Variants in SGCG observed in about 807,000 individuals in gnomAD.
The protein encoded by SGCG is gamma-sarcoglycan.
SGCG carries 26 observed loss-of-function variants against 29.3 expected under a neutral mutation model. The ratio of observed to expected loss-of-function variants is 0.89; its 90% CI spans 0.65 to 1.23. The LOEUF (loss-of-function observed/expected upper bound fraction) is 1.23. Among genes scored for constraint, SGCG ranks in the 50% most tolerant of loss-of-function variants. SGCG has a pLI of 0.00. For missense variants in SGCG, 353 were observed against 356.0 expected (o/e 0.99, Z 0.07); for synonymous variants, 145 against 129.7 (o/e 1.12, Z -0.80).
chr13:23,279,777 G>T (rs1566028903), intron 5 of SGCG, among the ~76,000 whole-genome samples: 1 of 139,110 alleles, frequency 7.2e-6, no homozygotes, highest in Non-Finnish European at 1.6e-5. Flanking sequence ...GCCCAGGCTG[G>T]AGTGCAGTAG....
intron 4 of SGCG, among the ~76,000 whole-genome samples, chr13:23,258,075 T>A (rs2137580983): frequency 1.3e-5 from 2 of 152,326 alleles, no homozygotes; most frequent in Middle Eastern, 6.8e-3. Context: ...TTTTTCCAAT[T>A]CTGTGAAGAA....
intron 3 of SGCG, chr13:23,245,278 A>G (rs774846267): frequency 6.6e-6 from 1 of 152,210 alleles, no homozygotes; most frequent in African/African-American, 2.4e-5. Flanking sequence ...CGTAGCTCCT[A>G]TAATTTCATG....
chr13:23,201,932 T>C (rs1877784718), intron 1 of SGCG, among the ~76,000 whole-genome samples: 1 of 152,132 alleles, frequency 6.6e-6, no homozygotes, highest in Non-Finnish European at 1.5e-5. Flanking sequence ...CACTTTGGAA[T>C]CAATATAATA....
At chr13:23,251,656 G>T (rs1317378481) in intron 4 of SGCG, among the ~76,000 whole-genome samples, 2 of 152,048 alleles carry the variant, frequency 1.3e-5, no homozygotes, top group Non-Finnish European at 2.9e-5. Context: ...GTCTGTAGTC[G>T]CAGCTACTGG....
In SGCG at chr13:23,194,621, T is replaced by C. The variant is rs115039317; in HGVS notation, c.1-9074T>C. Among the ~76,000 whole-genome samples, 951 of 152,330 alleles carry C rather than the reference T, an allele frequency of 6.2e-3. 10 individuals carry two copies. The highest frequency in any genetic ancestry group is 0.022 in the African/African-American group (907 of 41,572). ...AGAGGCCAGCTTCTCTCTTGGAGCA[T>C]TCATATTAATTCTGGGACAACTGAC... is the stretch of plus-strand genomic sequence containing the variant. On this transcript the variant is annotated intron_variant, in intron 1 of 7. Transcript: ENST00000218867.
At chr13:23,250,482 A>C in intron 3 of SGCG, 148 bp from the exon 4 acceptor site, 1 of 610,294 alleles carries the variant, frequency 1.6e-6, no homozygotes, top group Non-Finnish European at 2.9e-6. Context: ...AGGAATTTTT[A>C]ATTGTCTTAG....
At chr13:23,201,457 C>T (rs950860566) in intron 1 of SGCG, among the ~76,000 whole-genome samples, 1 of 151,834 alleles carries the variant, frequency 6.6e-6, no homozygotes, top group African/African-American at 2.4e-5. Context: ...AGTGTTATCA[C>T]GGGGGTCCCT....
At chr13:23,242,532 A>G (rs547259072) in intron 3 of SGCG, among the ~76,000 whole-genome samples, 1 of 152,296 alleles carries the variant, frequency 6.6e-6, no homozygotes, top group East Asian at 1.9e-4. Flanking sequence ...CTACTCCCTA[A>G]GGTGTAGTGT....
At chr13:23,193,318 G>A (rs1212921329) in intron 1 of SGCG, among the ~76,000 whole-genome samples, 24 of 152,198 alleles carry the variant, frequency 1.6e-4, no homozygotes, top group Non-Finnish European at 4.4e-5. Flanking sequence ...AGCCACGAGT[G>A]ACTTTAAACA....
At chr13:23,247,115 C>A in intron 3 of SGCG, 1 of 162,852 alleles carries the variant, frequency 6.1e-6, no homozygotes, top group South Asian at 1.7e-4. Context: ...TTGCCAGAAT[C>A]AAAGATCTGT....
intron 5 of SGCG, among the ~76,000 whole-genome samples, chr13:23,289,228 G>A (rs1881608364): frequency 6.6e-6 from 1 of 152,230 alleles, no homozygotes; most frequent in Non-Finnish European, 1.5e-5. Flanking sequence ...CCGTGCTGCA[G>A]TCCATGGTAT....
chr13:23,245,475 C>G (rs2137560196), intron 3 of SGCG: 1 of 152,242 alleles, frequency 6.6e-6, no homozygotes, highest in East Asian at 1.9e-4. Flanking sequence ...ACAATCAAGC[C>G]TAGGAGAGTG....
At chr13:23,168,610 A>G in the SGCG span, among the ~76,000 whole-genome samples, 1 of 152,356 alleles carries the variant, frequency 6.6e-6, no homozygotes, top group South Asian at 2.1e-4. Context: ...TAACCTCTGT[A>G]TACAATAATG....
At chr13:23,304,448 C>A (rs558185026) in intron 6 of SGCG, among the ~76,000 whole-genome samples, 4 of 152,000 alleles carry the variant, frequency 2.6e-5, no homozygotes, top group Non-Finnish European at 4.4e-5. Flanking sequence ...TTATTTATTA[C>A]AAACTCTACT....
chr13:23,295,142 C>A (rs1170211600), intron 5 of SGCG, among the ~76,000 whole-genome samples: 1 of 151,980 alleles, frequency 6.6e-6, no homozygotes, highest in Non-Finnish European at 1.5e-5. Flanking sequence ...GATTTGAAGA[C>A]TAATATTGCT....
At chr13:23,197,991 C>G (rs1438443520) in intron 1 of SGCG, among the ~76,000 whole-genome samples, 1 of 152,156 alleles carries the variant, frequency 6.6e-6, no homozygotes, top group East Asian at 1.9e-4. Flanking sequence ...TTTGTAGATA[C>G]GTGTTGAATG....
Position 23,317,258 on chromosome 13 carries a change from A to G in SGCG, c.579-3379A>G, listed in dbSNP as rs868063499. Among the ~76,000 whole-genome samples the G allele has an allele frequency of 3.4e-4, 52 of 152,332 alleles. 2 individuals are homozygous for G. In the Middle Eastern group the frequency reaches 0.014, roughly 40 times the overall value. ...GTAAGGAAGAATATGCATGGAATAC[A>G]GGAGATCCATTAGGGCATCTCTTAG... On this transcript the variant is annotated intron_variant, in intron 6 of 7. Transcript: ENST00000218867.
At chr13:23,296,105 A>G (rs1409164631) in intron 6 of SGCG, among the ~76,000 whole-genome samples, 1 of 152,250 alleles carries the variant, frequency 6.6e-6, no homozygotes, top group African/African-American at 2.4e-5. Context: ...TTTCTCCTGA[A>G]AAGTGTCAGC....
chr13:23,259,425 T>C (rs1566020509), intron 4 of SGCG, among the ~76,000 whole-genome samples: 1 of 152,186 alleles, frequency 6.6e-6, no homozygotes, highest in Non-Finnish European at 1.5e-5. Flanking sequence ...TATTTGATTC[T>C]TCTCTCTTTT....
Sources: gnomAD v4.1 joint callset for allele counts (sites outside exome capture counted in the v4.1 genomes callset) on GRCh38, gnomAD v4.1.1 for gene constraint, MANE v1.5 for transcripts, NCBI Gene and HGNC (gene_info 2026-07-23, HGNC 2026-07-21) for gene names.